The following MCM3AP variants were observed in gnomAD, a reference collection of about 807,000 sequenced individuals.
MCM3AP encodes germinal-center associated nuclear protein.
Under a neutral mutation model 184.1 loss-of-function variants are expected in MCM3AP, and 126 were observed. The observed-to-expected ratio is 0.68, with a 90% CI of 0.59 to 0.79. The LOEUF is 0.79. Ranked by LOEUF, MCM3AP falls within the 30% of genes least tolerant of loss-of-function variation. MCM3AP has a pLI of 0.00. For missense variants in MCM3AP, 2,496 were observed against 2,479.2 expected (o/e 1.01, Z -0.14); for synonymous variants, 1,002 against 979.3 (o/e 1.02, Z -0.43).
In MCM3AP at chr21:46,265,947, C is replaced by T. The variant is rs749977270; in HGVS notation, c.3009G>A (p.Gln1003=). ...CACCCACTGTGTCGGAGCCGGGTCTCTGGGTGCTGACGGGCAGCTCCGCGG... is the reference window on the plus strand; with the variant it reads ...CACCCACTGTGTCGGAGCCGGGTCTTTGGGTGCTGACGGGCAGCTCCGCGG... ...SLAAELPVST[Q]RPGSDTVGGG... Residue 1003 remains glutamine (Q), a synonymous_variant, in exon 11 of 28, where the codon CAG becomes CAA. Coordinates refer to ENST00000291688, the MANE Select transcript of MCM3AP (RefSeq NM_003906.5). The T allele has an allele frequency of 2.8e-5, 45 of 1,591,486 alleles. No homozygotes were observed. The Middle Eastern group carries it at 9.9e-4, about 35-fold the overall frequency.
Position 46,246,210 on chromosome 21 carries a change from A to G in MCM3AP, c.4647+97T>C, listed in dbSNP as rs545287737. 4.0e-6 allele frequency: 3 copies of G among 752,398 alleles called. No homozygotes were observed. In the African/African-American group the frequency reaches 5.2e-5, roughly 13 times the overall value. The allele number at this position is 752,398 out of a possible 1,614,324, so 46.6% of individuals were successfully genotyped here. A position where few individuals can be genotyped will look rare whatever the true frequency, so the allele number is the denominator to read the frequency against. Reference sequence around the variant, plus strand: ...AATAAAACCCTGTCTCTTAAGAAAAAGACAATGCAAACGCTAATATACACT... The same window carrying G: ...AATAAAACCCTGTCTCTTAAGAAAAGGACAATGCAAACGCTAATATACACT... On this transcript the variant is annotated intron_variant, in intron 22 of 27. Transcript: ENST00000291688.
intron 16 of MCM3AP, among the ~76,000 whole-genome samples, chr21:46,257,474 CAAAAAAAAAAAAA>C (rs369556689): frequency 4.5e-4 from 22 of 49,344 alleles, no homozygotes; most frequent in African/African-American, 1.2e-3. Context: ...GGCTCCGTCT[CAAAAAAAAAAAAA>C]AAAAAAAAAA....
rs745485109 is a variant in MCM3AP, at chr21:46,254,415, C to T, written c.4113G>A (p.Glu1371=). ...ACCTGCCACAACTCTCTGGGGACTGCTCCTCTACATCCGGCAACACCAGCA... is the reference window on the plus strand; with the variant it reads ...ACCTGCCACAACTCTCTGGGGACTGTTCCTCTACATCCGGCAACACCAGCA... ...KLVLVLPDVE[E]QSPESCGRIL... The change falls in exon 19 of 28, where the codon GAG becomes GAA. Residue 1371 remains glutamate, a synonymous_variant. Transcript: ENST00000291688. 12 of 1,614,106 alleles carry T rather than the reference C, an allele frequency of 7.4e-6. No individual in the cohort carries two copies. In the Middle Eastern group the frequency reaches 6.6e-4, roughly 88 times the overall value.
intron 26 of MCM3AP, among the ~76,000 whole-genome samples, chr21:46,238,920 A>T (rs538129731): frequency 2.2e-4 from 33 of 152,216 alleles, no homozygotes; most frequent in Non-Finnish European, 3.8e-4. Context: ...CAGACAAGGA[A>T]CACATAACAA....
At chr21:46,282,766 C>T (rs767528031) in intron 2 of MCM3AP, among the ~76,000 whole-genome samples, 2 of 150,934 alleles carry the variant, frequency 1.3e-5, no homozygotes, top group African/African-American at 2.4e-5. Flanking sequence ...GATCATGCCA[C>T]GGCACTCCAG....
chr21:46,257,924 C>A (rs997415903), intron 16 of MCM3AP, among the ~76,000 whole-genome samples: 723 of 96,404 alleles, frequency 7.5e-3, no homozygotes, highest in South Asian at 0.014. Context: ...GACTCCATCT[C>A]AAAAAAAAAA....
At chr21:46,271,657 C>T (rs1188604110) in intron 8 of MCM3AP, among the ~76,000 whole-genome samples, 5 of 151,712 alleles carry the variant, frequency 3.3e-5, no homozygotes, top group Non-Finnish European at 5.9e-5. Context: ...TCAGGAGTTC[C>T]GGACAAGCCT....
chr21:46,279,285 CA>C (rs200798299), intron 4 of MCM3AP, among the ~76,000 whole-genome samples: 62,862 of 149,328 alleles, frequency 0.42, 13,495 homozygotes, highest in Admixed American at 0.49. Context: ...GACTGTGTCT[CA>C]AAAAAAAAAG....
chr21:46,274,656 C>A (rs1646221434), intron 6 of MCM3AP, among the ~76,000 whole-genome samples: 1 of 152,048 alleles, frequency 6.6e-6, no homozygotes, highest in South Asian at 2.1e-4. Context: ...AAAAAGTTAG[C>A]TGGATGTGGT....
At position 46,272,659 on chromosome 21, in the gene MCM3AP, C is replaced by T; in HGVS notation, c.2367G>A (p.Met789Ile). 6.2e-7 allele frequency: 1 copy of T among 1,614,220 alleles called. No homozygotes were observed. Among genetic ancestry groups the T allele is most frequent in the South Asian group, 1.1e-5 (1 of 91,090 alleles). Residue 789 changes from methionine (M) to isoleucine (I), a missense_variant, in exon 8 of 28, where the codon ATG becomes ATA. Transcript: ENST00000291688. ...CACCCTTGTTTCTCAGGTCCTGGTA[C>T]ATCTCCTTCAGGCTCTGCAGGCACT... ...MTKCLQSLKE[M>I]YQDLRNKGVF...
chr21:46,278,964 G>A (rs1349039185), intron 4 of MCM3AP, among the ~76,000 whole-genome samples: 38 of 145,454 alleles, frequency 2.6e-4, no homozygotes, highest in Non-Finnish European at 1.2e-4. Flanking sequence ...TGAGCACTGC[G>A]CCCGGCCAGG....
At chr21:46,252,375 TGAG>T (rs2080886703) in intron 19 of MCM3AP, 1 of 152,160 alleles carries the variant, frequency 6.6e-6, no homozygotes, top group South Asian at 2.1e-4. Context: ...ACTTAGCAAA[TGAG>T]AAGACAGCTA....
chr21:46,254,606 G>T (rs2080920339), intron 18 of MCM3AP, 80 bp from the exon 19 acceptor site: 2 of 1,556,818 alleles, frequency 1.3e-6, no homozygotes, highest in Non-Finnish European at 1.8e-6. Flanking sequence ...TGAGCAGGAA[G>T]GGGCAGGTTG....
At chr21:46,271,039 A>G (rs1279146852) in intron 8 of MCM3AP, among the ~76,000 whole-genome samples, 1 of 152,242 alleles carries the variant, frequency 6.6e-6, no homozygotes, top group African/African-American at 2.4e-5. Flanking sequence ...GGTAAAGTCT[A>G]AAAAACAGAA....
chr21:46,270,138 T>A (rs1013788606), intron 9 of MCM3AP: 5 of 323,570 alleles, frequency 1.5e-5, no homozygotes, highest in Non-Finnish European at 2.8e-5. Flanking sequence ...AGTGCTGAAT[T>A]CAACCTATGT....
At chr21:46,246,243 A>G in intron 22 of MCM3AP, 64 bp downstream of exon 22, 1 of 984,616 alleles carries the variant, frequency 1.0e-6, no homozygotes, top group Non-Finnish European at 1.6e-6. Context: ...ACTCAATTCA[A>G]GATACAGCAA....
At chr21:46,265,657 C>T in intron 11 of MCM3AP, 134 bp from the exon 12 acceptor site, 1 of 779,024 alleles carries the variant, frequency 1.3e-6, no homozygotes, top group Non-Finnish European at 2.0e-6. Context: ...TCCAGGAGAC[C>T]AGCTACGTGG....
At chr21:46,265,837 C>G in intron 11 of MCM3AP, 88 bp downstream of exon 11, 1 of 1,464,516 alleles carries the variant, frequency 6.8e-7, no homozygotes, top group Non-Finnish European at 9.1e-7. Context: ...GGCGTCCTGG[C>G]GAGAAAATGC....
In MCM3AP at chr21:46,244,855, C is replaced by G. The variant is rs781328598; in HGVS notation, c.4990G>C (p.Ala1664Pro). The change falls in exon 23 of 28, where the codon GCT (alanine) becomes CCT (proline). Residue 1664 changes from alanine (A) to proline (P), a missense_variant. Physicochemically the swap from Ala to Pro is conservative, Grantham distance 27. Around this residue, in one of 5 missense-constraint regions of MCM3AP, gnomAD observed 1,323 missense variants for 1,273.4 expected, o/e 1.04. Coordinates refer to ENST00000291688, the MANE Select transcript of MCM3AP (RefSeq NM_003906.5). Reference sequence around the variant, plus strand: ...TGCGGAAGCTGGAACCCGAGCACAGCCTGCTTCAGCCAGGCCAGGTGCTCT... The same window carrying G: ...TGCGGAAGCTGGAACCCGAGCACAGGCTGCTTCAGCCAGGCCAGGTGCTCT... The part of the protein sequence containing the change: ...APEHLAWLKQ[A>P]VLGFQLPQMD... The G allele has an allele frequency of 6.2e-7, 1 of 1,614,162 alleles. No homozygotes were observed. Among genetic ancestry groups the G allele is most frequent in the Non-Finnish European group, 8.5e-7 (1 of 1,180,002 alleles).
Sources: gnomAD v4.1 joint callset for allele counts (sites outside exome capture counted in the v4.1 genomes callset) on GRCh38, gnomAD v4.1.1 for gene constraint, gnomAD v4.1.1 regional missense constraint, MANE v1.5 for transcripts, NCBI Gene and HGNC (gene_info 2026-07-23, HGNC 2026-07-21) for gene names.